DNMBP: variants seen among roughly 807,000 people sequenced by gnomAD.
DNMBP encodes the protein dynamin binding protein.
In DNMBP, 87 loss-of-function variants were observed where a neutral mutation model predicts 150.0. The observed-to-expected ratio is 0.58, with a 90% CI of 0.49 to 0.69. The LOEUF (loss-of-function observed/expected upper bound fraction) is 0.69. Among genes scored for constraint, DNMBP ranks in the 30% least tolerant of loss-of-function variants. The pLI is 0.00. For missense variants in DNMBP, 1,774 were observed against 1,949.0 expected (o/e 0.91, Z 1.69); for synonymous variants, 711 against 750.4 (o/e 0.95, Z 0.86).
At position 99,955,966 on chromosome 10, in the gene DNMBP, G is replaced by T. The variant is rs1347559087; in HGVS notation, c.1508C>A (p.Ala503Glu). Residue 503 changes from alanine (A) to glutamate (E), a missense_variant, in exon 4 of 17, where the codon GCA becomes GAA. By Grantham distance (107) the Ala-to-Glu change is moderately radical. Around this residue, in one of 2 missense-constraint regions of DNMBP, gnomAD observed 1,430 missense variants for 1,492.5 expected, o/e 0.96. Coordinates refer to ENST00000324109, the MANE Select transcript of DNMBP (RefSeq NM_015221.4). ...RQSSPQLHNLASYTKKHHTSS... is the reference protein window; with the variant it reads ...RQSSPQLHNLESYTKKHHTSS... ...CGTGTGGTGCTTTTTAGTATAACTTGCTAGGTTGTGGAGCTGAGGACTTGA... is the reference window on the plus strand; with the variant it reads ...CGTGTGGTGCTTTTTAGTATAACTTTCTAGGTTGTGGAGCTGAGGACTTGA... 2 of 1,614,176 alleles carry T rather than the reference G, an allele frequency of 1.2e-6. No homozygotes were observed. The highest frequency in any genetic ancestry group is 1.7e-5 in the Admixed American group (1 of 60,016).
rs773366655 is a variant in DNMBP, at chr10:99,898,148, G to A, written c.2858C>T (p.Ala953Val). Residue 953 changes from alanine to valine, a missense_variant, in exon 9 of 17, where the codon GCA becomes GTA. Transcript: ENST00000324109. ...GTTGATTTCCTTGACCGCAAGGACTGCATTGGTTAAAGGCACTTTATCTGG... is the reference window on the plus strand; with the variant it reads ...GTTGATTTCCTTGACCGCAAGGACTACATTGGTTAAAGGCACTTTATCTGG... Reference protein sequence around the residue: ...SHPDKVPLTNAVLAVKEINVN... With the variant: ...SHPDKVPLTNVVLAVKEINVN... 6.8e-6 allele frequency: 11 copies of A among 1,613,966 alleles called. No homozygotes were observed. The Admixed American group carries it at 1.3e-4, about 20-fold the overall frequency.
At chr10:99,883,863 A>G in intron 15 of DNMBP, 148 bp downstream of exon 15, 1 of 681,706 alleles carries the variant, frequency 1.5e-6, no homozygotes, top group Non-Finnish European at 2.4e-6. Context: ...CACTCTCTAG[A>G]GAAGGTTAAG....
intron 4 of DNMBP, among the ~76,000 whole-genome samples, chr10:99,920,979 C>T (rs763249982): frequency 1.3e-5 from 2 of 152,178 alleles, no homozygotes; most frequent in South Asian, 2.1e-4. Flanking sequence ...CATGCCCAGC[C>T]GACTTCCCAC....
chr10:99,918,809 C>A (rs1427960685), intron 4 of DNMBP, among the ~76,000 whole-genome samples: 8 of 152,178 alleles, frequency 5.3e-5, no homozygotes, highest in Admixed American at 5.2e-4. Flanking sequence ...GAGTTTAATA[C>A]TAGGAGTAAC....
intron 4 of DNMBP, among the ~76,000 whole-genome samples, chr10:99,949,374 T>C (rs1245600723): frequency 1.3e-5 from 2 of 152,222 alleles, no homozygotes; most frequent in Admixed American, 6.5e-5. Flanking sequence ...AAATGTTATA[T>C]TGAAAGTTCT....
rs528834177 is a variant in DNMBP, at chr10:99,971,836, T to TTTTC, written c.145+140_145+143dup. ...AGCCACTGTGCCCAGCTAGGAATAATTTTCTTTCTTTCTTTCTTTCTTTCT... is the reference window on the plus strand; with the variant it reads ...AGCCACTGTGCCCAGCTAGGAATAATTTTCTTTCTTTCTTTCTTTCTTTCTTTCT... On this transcript the variant is annotated intron_variant, in intron 2 of 16. Coordinates refer to ENST00000324109, the MANE Select transcript of DNMBP (RefSeq NM_015221.4). 7,422 of 871,048 alleles carry TTTTC rather than the reference T, an allele frequency of 8.5e-3. 36 individuals carry two copies. Among genetic ancestry groups the TTTTC allele is most frequent in the Non-Finnish European group, 0.01 (5,938 of 578,860 alleles). 54.0% of individuals were successfully genotyped at this position (871,048 alleles called of 1,614,324 possible).
intron 4 of DNMBP, among the ~76,000 whole-genome samples, chr10:99,918,319 A>G (rs1245396481): frequency 6.6e-6 from 1 of 152,100 alleles, no homozygotes; most frequent in Non-Finnish European, 1.5e-5. Context: ...CTGGATCACC[A>G]AACTTCAGAG....
At chr10:99,998,641 G>A (rs1259396229) in intron 1 of DNMBP, among the ~76,000 whole-genome samples, 4 of 151,308 alleles carry the variant, frequency 2.6e-5, no homozygotes, top group African/African-American at 9.7e-5. Flanking sequence ...TTTCTTGAAC[G>A]CTGATTCAAA....
chr10:100,007,257 T>C lies in DNMBP; in HGVS notation c.-11+2581A>G, dbSNP rs558114621. On this transcript the variant is annotated intron_variant, in intron 1 of 16. Transcript: ENST00000324109. ...AGTTCTCCACAGCATTATGATCCTT[T>C]GACCTATTCATTCACATATTTGTCT... Among the ~76,000 whole-genome samples the C allele has an allele frequency of 4.4e-4, 67 of 152,344 alleles. 2 individuals carry two copies. Among genetic ancestry groups the C allele is most frequent in the African/African-American group, 1.6e-3 (66 of 41,576 alleles).
At chr10:99,986,083 CCTCT>C (rs1382281728) in intron 1 of DNMBP, among the ~76,000 whole-genome samples, 1 of 152,054 alleles carries the variant, frequency 6.6e-6, no homozygotes, top group Non-Finnish European at 1.5e-5. Context: ...GCCTTTTTTC[CCTCT>C]CTAAGTCACA....
In DNMBP at chr10:99,916,835, A is replaced by C. The variant is rs963077790; in HGVS notation, c.2261-7689T>G. 1.7e-4 allele frequency among the ~76,000 whole-genome samples: 26 copies of C among 152,096 alleles called. 1 individual carries two copies. Among genetic ancestry groups the C allele is most frequent in the Admixed American group, 1.6e-3 (24 of 15,260 alleles). On this transcript the variant is annotated intron_variant, in intron 4 of 16. Coordinates refer to ENST00000324109, the MANE Select transcript of DNMBP (RefSeq NM_015221.4). ...AAGCAACCTAAACAGAAAGAACTAA[A>C]ATTTCCTCAAAAGGGTCTGGGTAGA...
chr10:99,964,222 A>T (rs1160603946), intron 3 of DNMBP, among the ~76,000 whole-genome samples: 1 of 137,368 alleles, frequency 7.3e-6, no homozygotes, highest in Admixed American at 8.3e-5. Flanking sequence ...GGCTCGCTGC[A>T]ACCTCTGCTT....
intron 4 of DNMBP, among the ~76,000 whole-genome samples, chr10:99,914,721 T>C (rs1430030795): frequency 6.6e-6 from 1 of 151,942 alleles, no homozygotes; most frequent in Non-Finnish European, 1.5e-5. Context: ...ATGCACAATT[T>C]TGTAAGAAAA....
Position 99,886,625 on chromosome 10 carries a change from C to CTCTCCT in DNMBP, c.3287_3292dup (p.Lys1096_Glu1097dup). ...GGGGGAGATGACAAGCCGCTCTGTC[C>CTCTCCT]TCTCCTTCTGTAGGGACGAGAAAGG... is the stretch of plus-strand genomic sequence containing the variant. On this transcript the variant is annotated inframe_insertion, in exon 13 of 17. Coordinates refer to ENST00000324109, the MANE Select transcript of DNMBP (RefSeq NM_015221.4). 6.2e-7 allele frequency: 1 copy of CTCTCCT among 1,612,366 alleles called. No homozygotes were observed. The highest frequency in any genetic ancestry group is 8.5e-7 in the Non-Finnish European group (1 of 1,178,760).
At chr10:100,009,254 T>G (rs1169775834) in intron 1 of DNMBP, among the ~76,000 whole-genome samples, 3 of 152,228 alleles carry the variant, frequency 2.0e-5, no homozygotes, top group Non-Finnish European at 4.4e-5. Context: ...ATCACCACCC[T>G]TTGAGACACA....
intron 1 of DNMBP, among the ~76,000 whole-genome samples, chr10:99,997,551 C>T (rs928874331): frequency 6.7e-6 from 1 of 149,350 alleles, no homozygotes; most frequent in Non-Finnish European, 1.5e-5. Context: ...GAGACAACAG[C>T]AAAGTTATAT....
intron 4 of DNMBP, among the ~76,000 whole-genome samples, chr10:99,929,150 A>T (rs898508776): frequency 1.1e-4 from 16 of 152,106 alleles, no homozygotes; most frequent in Admixed American, 1.0e-3. Flanking sequence ...TTTCAAAAAA[A>T]TAAATAAATA....
At chr10:99,936,306 G>A (rs564095224) in intron 4 of DNMBP, among the ~76,000 whole-genome samples, 5 of 152,096 alleles carry the variant, frequency 3.3e-5, no homozygotes, top group African/African-American at 9.6e-5. Context: ...GATGCTAACT[G>A]TTCAGCTTAC....
At chr10:99,997,312 A>G (rs1474000077) in intron 1 of DNMBP, among the ~76,000 whole-genome samples, 1 of 152,206 alleles carries the variant, frequency 6.6e-6, no homozygotes, top group Non-Finnish European at 1.5e-5. Flanking sequence ...GCCCTTCCAC[A>G]TAGCAGTTGT....
Sources: allele counts gnomAD v4.1 joint callset (sites outside exome capture counted in the v4.1 genomes callset), GRCh38; gene constraint gnomAD v4.1.1; regional missense constraint gnomAD v4.1.1; transcripts MANE v1.5; gene names NCBI Gene and HGNC (gene_info 2026-07-23, HGNC 2026-07-21).